SLC6A5: variants seen among roughly 807,000 people sequenced by gnomAD.
The protein encoded by SLC6A5 is sodium- and chloride-dependent glycine transporter 2.
Under a neutral mutation model 90.5 loss-of-function variants are expected in SLC6A5, and 58 were observed. The observed-to-expected ratio is 0.64, with a 90% confidence interval of 0.52 to 0.80. The LOEUF is 0.80. Ranked by LOEUF, SLC6A5 falls within the 30% of genes least tolerant of loss-of-function variation. The pLI is 0.00. For missense variants in SLC6A5, 1,015 were observed against 1,017.6 expected (o/e 1.00, Z 0.03); for synonymous variants, 427 against 401.4 (o/e 1.06, Z -0.76).
At chr11:20,641,974 A>T (rs978915002) in intron 13 of SLC6A5, among the ~76,000 whole-genome samples, 1 of 152,076 alleles carries the variant, frequency 6.6e-6, no homozygotes, top group Non-Finnish European at 1.5e-5. Context: ...ATAATATAAA[A>T]TAAATAAACA....
chr11:20,614,723 T>C lies in SLC6A5; in HGVS notation c.1030T>C (p.Ser344Pro). The C allele has an allele frequency of 6.2e-7, 1 of 1,613,970 alleles. No individual in the cohort carries two copies. The highest frequency in any genetic ancestry group is 8.5e-7 in the Non-Finnish European group (1 of 1,179,794). Residue 344 changes from serine (S) to proline (P), a missense_variant, in exon 6 of 16, where the codon TCG (serine) becomes CCG (proline). Physicochemically the swap from Ser to Pro is moderately conservative, Grantham distance 74. Transcript: ENST00000525748. ...CCATCCCAAAATACAGATCAAGAAC[T>C]CGACTTTCTGCATGACCGCTTATCC... ...SDHPKIQIKN[S>P]TFCMTAYPNV...
Position 20,604,331 on chromosome 11 carries a change from A to T in SLC6A5, c.586A>T (p.Ser196Cys). The T allele has an allele frequency of 6.2e-7, 1 of 1,614,010 alleles. No individual in the cohort carries two copies. The highest frequency in any genetic ancestry group is 8.5e-7 in the Non-Finnish European group (1 of 1,179,908). Residue 196 changes from serine (S) to cysteine (C), a missense_variant, in exon 3 of 16, where the codon AGC (serine) becomes TGC (cysteine). Transcript: ENST00000525748. ...GAATAAGGCCCGAGGGAACTGGTCC[A>T]GCAAACTGGACTTCATCCTGTCCAT... Reference protein sequence around the residue: ...DENKARGNWSSKLDFILSMVG... With the variant: ...DENKARGNWSCKLDFILSMVG...
intron 4 of SLC6A5, 86 bp from the exon 5 acceptor site, chr11:20,607,393 A>C (rs958364213): frequency 6.8e-7 from 1 of 1,469,164 alleles, no homozygotes; most frequent in Non-Finnish European, 9.5e-7. Flanking sequence ...AAGAGAGCCT[A>C]GACCTAGGTC....
rs763390370 is a variant in SLC6A5, at chr11:20,601,434, G to T, written c.309G>T (p.Ala103=). Residue 103 remains alanine, a synonymous_variant, in exon 2 of 16, where the codon GCG becomes GCT. Transcript: ENST00000525748. The part of the protein sequence containing the change: ...ALRDLREAQG[A]QASPPPGSSG... Reference sequence around the variant, plus strand: ...GGGACTTGAGAGAGGCGCAAGGCGCGCAGGCCTCGCCCCCTCCCGGGAGCT... The same window carrying T: ...GGGACTTGAGAGAGGCGCAAGGCGCTCAGGCCTCGCCCCCTCCCGGGAGCT... 14 of 1,605,846 alleles carry T rather than the reference G, an allele frequency of 8.7e-6. No homozygotes were observed. In the African/African-American group the frequency reaches 1.3e-4, roughly 15 times the overall value.
chr11:20,644,559 C>T (rs1853373630), intron 13 of SLC6A5, among the ~76,000 whole-genome samples: 1 of 152,240 alleles, frequency 6.6e-6, no homozygotes, highest in Admixed American at 6.5e-5. Flanking sequence ...ACTGATGTCA[C>T]ATCCTTTGGA....
chr11:20,651,941 A>G (rs1315209024), intron 14 of SLC6A5, among the ~76,000 whole-genome samples: 2 of 151,162 alleles, frequency 1.3e-5, no homozygotes, highest in African/African-American at 4.9e-5. Context: ...AATACAGAGA[A>G]CTCCTTAAAA....
chr11:20,600,335 G>GAAGAAGAGGAAGAAGAA (rs1852435416), intron 1 of SLC6A5, among the ~76,000 whole-genome samples: 2 of 87,878 alleles, frequency 2.3e-5, no homozygotes. Flanking sequence ...AAGAAGAAGA[G>GAAGAAGAGGAAGAAGAA]GAAGAAGAAG....
intron 3 of SLC6A5, 67 bp from the exon 4 acceptor site, chr11:20,606,940 G>GTT: frequency 6.2e-7 from 1 of 1,606,686 alleles, no homozygotes; most frequent in Non-Finnish European, 8.5e-7. Flanking sequence ...CCCTAGCCCA[G>GTT]AGGGTTAAGG....
chr11:20,650,819 A>G (rs1853515607), intron 14 of SLC6A5, among the ~76,000 whole-genome samples: 1 of 151,534 alleles, frequency 6.6e-6, no homozygotes, highest in Non-Finnish European at 1.5e-5. Context: ...GGCGCCCGCT[A>G]CCACGCCCGG....
chr11:20,628,313 T>C (rs1274350438), intron 9 of SLC6A5, among the ~76,000 whole-genome samples: 1 of 152,158 alleles, frequency 6.6e-6, no homozygotes, highest in East Asian at 1.9e-4. Flanking sequence ...CAGTGGCTAT[T>C]TACAGGATGG....
chr11:20,608,958 C>CTCTCTG (rs368771053), intron 5 of SLC6A5, among the ~76,000 whole-genome samples: 21 of 110,932 alleles, frequency 1.9e-4, no homozygotes, highest in African/African-American at 6.0e-4. Context: ...CTCTCTCTCT[C>CTCTCTG]TGTGTGTGTG....
intron 2 of SLC6A5, among the ~76,000 whole-genome samples, chr11:20,602,844 C>T (rs1852505900): frequency 6.6e-6 from 1 of 152,186 alleles, no homozygotes; most frequent in South Asian, 2.1e-4. Flanking sequence ...ATATTATCTG[C>T]CTCTGACAGC....
intron 11 of SLC6A5, among the ~76,000 whole-genome samples, chr11:20,636,779 C>T (rs189900522): frequency 5.3e-5 from 8 of 152,034 alleles, no homozygotes; most frequent in African/African-American, 9.7e-5. Flanking sequence ...CTGAGACAAC[C>T]GCAGATCATG....
chr11:20,638,489 A>T lies in SLC6A5; in HGVS notation c.1900A>T (p.Thr634Ser). The T allele has an allele frequency of 6.2e-7, 1 of 1,613,134 alleles. No individual in the cohort carries two copies. The change falls in exon 13 of 16, where the codon ACC (threonine) becomes TCC (serine). Residue 634 changes from threonine to serine, a missense_variant. Transcript: ENST00000525748. ...GGIYMFQLVD[T>S]YAASYALVII... ...AATTTACATGTTTCAGCTTGTGGAC[A>T]CCTATGCTGCCTCCTATGCCCTTGT...
chr11:20,612,562 G>A (rs2133782082), intron 5 of SLC6A5, among the ~76,000 whole-genome samples: 1 of 152,284 alleles, frequency 6.6e-6, no homozygotes, highest in African/African-American at 2.4e-5. Context: ...CTGTTGCCCG[G>A]GCTGGAGTGC....
intron 1 of SLC6A5, 149 bp downstream of exon 1, chr11:20,599,824 A>G: frequency 1.0e-6 from 1 of 964,130 alleles, no homozygotes. Context: ...AGCCCTAGGT[A>G]TTTGTACTTG....
intron 5 of SLC6A5, among the ~76,000 whole-genome samples, chr11:20,608,396 G>T (rs1238080363): frequency 6.6e-6 from 1 of 152,216 alleles, no homozygotes; most frequent in East Asian, 1.9e-4. Flanking sequence ...ATGTCAGAAA[G>T]TCTTTCTGGT....
chr11:20,601,044 G>A, intron 1 of SLC6A5, 85 bp from the exon 2 acceptor site: 1 of 1,389,224 alleles, frequency 7.2e-7, no homozygotes, highest in African/African-American at 1.5e-5. Context: ...CTGGACCTGA[G>A]TTGCGAACGT....
chr11:20,608,174 T>TTGAG, intron 5 of SLC6A5, among the ~76,000 whole-genome samples: 1 of 152,330 alleles, frequency 6.6e-6, no homozygotes, highest in East Asian at 1.9e-4. Flanking sequence ...CACAAGATAC[T>TTGAG]GCTCAGTGCA....
Sources: allele counts gnomAD v4.1 joint callset (sites outside exome capture counted in the v4.1 genomes callset), GRCh38; gene constraint gnomAD v4.1.1; transcripts MANE v1.5; gene names NCBI Gene and HGNC (gene_info 2026-07-23, HGNC 2026-07-21).